Variants in NYAP2 observed in about 807,000 individuals in gnomAD.
NYAP2 encodes neuronal tyrosine-phosphorylated phosphoinositide-3-kinase adapter 2.
Under a neutral mutation model 50.4 loss-of-function variants are expected in NYAP2, and 23 were observed. The observed-to-expected ratio is 0.46, with a 90% CI of 0.33 to 0.65. NYAP2 has a LOEUF of 0.65. Ranked by LOEUF, NYAP2 falls within the 30% of genes least tolerant of loss-of-function variation. The pLI, the probability that NYAP2 is intolerant of heterozygous loss-of-function variation, is 0.02. For synonymous variants in NYAP2, 394 were observed against 365.2 expected, an observed-to-expected ratio of 1.08 and a Z score of -0.90; for missense variants, 885 against 861.0, an observed-to-expected ratio of 1.03 and a Z score of -0.35.
At chr2:225,598,733 A>G (rs35872381) in intron 5 of NYAP2, among the ~76,000 whole-genome samples, 57,399 of 152,158 alleles carry the variant, frequency 0.38, 10,984 homozygotes, top group Non-Finnish European at 0.4. Context: ...GTGAAAGGCT[A>G]TAGACACAAA....
intron 3 of NYAP2, among the ~76,000 whole-genome samples, chr2:225,489,455 C>G (rs960863926): frequency 6.6e-6 from 1 of 152,120 alleles, no homozygotes; most frequent in African/African-American, 2.4e-5. Context: ...GCCTTGGCCT[C>G]CCAAATGGTT....
chr2:225,486,114 G>C (rs1034015673), intron 3 of NYAP2, among the ~76,000 whole-genome samples: 1 of 152,142 alleles, frequency 6.6e-6, no homozygotes, highest in African/African-American at 2.4e-5. Context: ...CCACCCTTGA[G>C]CAAGGTGCGT....
intron 4 of NYAP2, among the ~76,000 whole-genome samples, chr2:225,541,673 A>G (rs951305865): frequency 6.6e-6 from 1 of 152,038 alleles, no homozygotes; most frequent in Non-Finnish European, 1.5e-5. Context: ...TGCCAGTGCT[A>G]TGCTGTTTGT....
chr2:225,416,068 G>A (rs1362840314), intron 3 of NYAP2, among the ~76,000 whole-genome samples: 2 of 152,226 alleles, frequency 1.3e-5, no homozygotes, highest in East Asian at 3.9e-4. Context: ...AGATTAAACA[G>A]CAGCCAGTAT....
chr2:225,552,255 G>A (rs981098855), intron 4 of NYAP2, among the ~76,000 whole-genome samples: 6 of 152,188 alleles, frequency 3.9e-5, no homozygotes, highest in Non-Finnish European at 7.4e-5. Flanking sequence ...ATATAAAAAC[G>A]ATACATGATA....
In NYAP2 at chr2:225,499,408, G is replaced by T. The variant is rs531172882; in HGVS notation, c.222-13963G>T. ...GCTCACTGCAAGCTCTGCCTCCGGGGTTCACGCCATGCTCCTGCCTCAGCC... is the reference window on the plus strand; with the variant it reads ...GCTCACTGCAAGCTCTGCCTCCGGGTTTCACGCCATGCTCCTGCCTCAGCC... On this transcript the variant is annotated intron_variant, in intron 3 of 6. Coordinates refer to ENST00000636099, the Ensembl canonical transcript of NYAP2. 3.9e-5 allele frequency among the ~76,000 whole-genome samples: 6 copies of T among 152,076 alleles called. No individual in the cohort carries two copies. In the East Asian group the frequency reaches 1.2e-3, roughly 29 times the overall value.
At chr2:225,601,799 G>T (rs1692695244) in intron 5 of NYAP2, among the ~76,000 whole-genome samples, 1 of 152,016 alleles carries the variant, frequency 6.6e-6, no homozygotes, top group South Asian at 2.1e-4. Flanking sequence ...TCCCTTATCA[G>T]ATATAATATG....
rs183722555 is a variant in NYAP2 at position 225,455,408 on chromosome 2, C to T, written c.221+46307C>T. Among the ~76,000 whole-genome samples the T allele has an allele frequency of 7.0e-3, 1,072 of 152,290 alleles. 11 individuals carry two copies. The highest frequency in any genetic ancestry group is 0.024 in the African/African-American group (1,002 of 41,556). ...ATTCTCAGCTATACATTATCCACTA[C>T]GTACAATATACTATTTAATGCCAAA... On this transcript the variant is annotated intron_variant, in intron 3 of 6. Coordinates refer to ENST00000636099, the Ensembl canonical transcript of NYAP2.
At chr2:225,442,049 C>G (rs950341526) in intron 3 of NYAP2, among the ~76,000 whole-genome samples, 1 of 152,172 alleles carries the variant, frequency 6.6e-6, no homozygotes, top group African/African-American at 2.4e-5. Context: ...ATTCTCAAGT[C>G]TGTGGAAATA....
rs116852616 is a variant in NYAP2 at position 225,551,218 on chromosome 2, C to T, written c.524-30723C>T. Reference sequence around the variant, plus strand: ...TGGTATCCTAGTATAGTCTCTTCCACGTCCACTCTGGCTTTGGCCATATGA... The same window carrying T: ...TGGTATCCTAGTATAGTCTCTTCCATGTCCACTCTGGCTTTGGCCATATGA... On this transcript the variant is annotated intron_variant, in intron 4 of 6. Transcript: ENST00000636099. Among the ~76,000 whole-genome samples, 7 of 152,286 alleles carry T rather than the reference C, an allele frequency of 4.6e-5. No individual in the cohort carries two copies. In the East Asian group the frequency reaches 9.6e-4, roughly 21 times the overall value.
exon 7 of NYAP2, chr2:225,652,556 C>T (rs1693753876): frequency 6.6e-6 from 1 of 152,122 alleles, no homozygotes; most frequent in South Asian, 2.1e-4. Context: ...AATACATTGA[C>T]TTAATTTGTG....
intron 5 of NYAP2, among the ~76,000 whole-genome samples, chr2:225,621,579 C>T (rs1243470188): frequency 6.6e-6 from 1 of 151,900 alleles, no homozygotes; most frequent in Non-Finnish European, 1.5e-5. Context: ...GTACTTTACA[C>T]TAGTGAACTA....
At chr2:225,483,706 A>G (rs1292334730) in intron 3 of NYAP2, among the ~76,000 whole-genome samples, 1 of 152,170 alleles carries the variant, frequency 6.6e-6, no homozygotes, top group East Asian at 1.9e-4. Flanking sequence ...GGGAGAATGG[A>G]AAGTTTTGTT....
At chr2:225,615,788 G>A (rs532672245) in intron 5 of NYAP2, among the ~76,000 whole-genome samples, 2 of 152,302 alleles carry the variant, frequency 1.3e-5, no homozygotes, top group South Asian at 4.1e-4. Flanking sequence ...ACAAGCCCAG[G>A]CAAGTGCTGG....
At chr2:225,644,530 G>C (rs948458661) in intron 6 of NYAP2, among the ~76,000 whole-genome samples, 2 of 151,432 alleles carry the variant, frequency 1.3e-5, no homozygotes, top group Non-Finnish European at 3.0e-5. Flanking sequence ...CCTATGTCCT[G>C]AATGGTAATG....
chr2:225,566,144 C>T lies in NYAP2; in HGVS notation c.524-15797C>T, dbSNP rs752963492. Among the ~76,000 whole-genome samples the T allele has an allele frequency of 7.0e-4, 106 of 152,042 alleles. 1 individual carries two copies. The highest frequency in any genetic ancestry group is 3.2e-4 in the Non-Finnish European group (22 of 68,022). On this transcript the variant is annotated intron_variant, in intron 4 of 6. Transcript: ENST00000636099. ...ATTACATGAAATAATCCCCCCAAAG[C>T]GCATTGTCTGATACAAATAAAGCAT...
intron 5 of NYAP2, among the ~76,000 whole-genome samples, chr2:225,592,566 A>G (rs1259356504): frequency 6.6e-6 from 1 of 151,944 alleles, no homozygotes; most frequent in African/African-American, 2.4e-5. Context: ...AAGTGAAGGG[A>G]TTTTTTTTCA....
intron 3 of NYAP2, among the ~76,000 whole-genome samples, chr2:225,467,518 G>A (rs1489761547): frequency 2.0e-5 from 3 of 152,104 alleles, no homozygotes; most frequent in African/African-American, 7.2e-5. Context: ...CAAAACATTA[G>A]TCACCCAATC....
chr2:225,435,552 CT>C (rs1689362454), intron 3 of NYAP2, among the ~76,000 whole-genome samples: 1 of 152,180 alleles, frequency 6.6e-6, no homozygotes. Context: ...CTACAGTCTG[CT>C]TCTTAATTTA....
Sources: allele counts gnomAD v4.1 joint callset (sites outside exome capture counted in the v4.1 genomes callset), GRCh38; gene constraint gnomAD v4.1.1; transcripts MANE v1.5; gene names NCBI Gene and HGNC (gene_info 2026-07-23, HGNC 2026-07-21).